NF1: variants seen among roughly 807,000 people sequenced by gnomAD.
NF1 encodes neurofibromin.
Under a neutral mutation model 325.7 loss-of-function variants are expected in NF1, and 122 were observed. The ratio of observed to expected loss-of-function variants is 0.37; its 90% CI spans 0.32 to 0.44. NF1 has a LOEUF of 0.44. NF1 is among the 20% of genes least tolerant of loss of function. NF1 has a pLI of 1.00. For missense variants in NF1, 2,140 were observed against 3,415.4 expected (o/e 0.63, Z 9.31); for synonymous variants, 1,091 against 1,186.0 (o/e 0.92, Z 1.65).
chr17:31,163,158 T>G (rs752292696), intron 3 of NF1, 28 bp from the exon 4 acceptor site: 8 of 1,610,346 alleles, frequency 5.0e-6, no homozygotes, highest in Non-Finnish European at 6.8e-6. Context: ...AATTAAAGTT[T>G]AGAATAATGT....
At chr17:31,305,709 A>T in intron 36 of NF1, 1 of 1,216,476 alleles carries the variant, frequency 8.2e-7, no homozygotes, top group African/African-American at 1.5e-5. Context: ...TTTCATTATG[A>T]TTCCTGGCAT....
rs1597835005 is a variant in NF1 at position 31,330,505 on chromosome 17, A to C, written c.5812+7A>C. 1 of 1,588,572 alleles carries C rather than the reference A, an allele frequency of 6.3e-7. No individual in the cohort carries two copies. Among genetic ancestry groups the C allele is most frequent in the Non-Finnish European group, 8.6e-7 (1 of 1,157,268 alleles). On this transcript the variant is annotated splice_region_variant and intron_variant, in intron 39 of 57. Coordinates refer to ENST00000358273, the MANE Select transcript of NF1 (RefSeq NM_001042492.3). ...TCTGGATTTAGCAAATCTAGTAAGT[A>C]ATGATAATTTTCTTTAATACTAACA...
chr17:31,125,338 GC>G (rs1914789594), intron 1 of NF1, among the ~76,000 whole-genome samples: 1 of 151,422 alleles, frequency 6.6e-6, no homozygotes, highest in East Asian at 1.9e-4. Flanking sequence ...ATATATCTGG[GC>G]TATTGATGCA....
chr17:31,181,859 T>C, intron 7 of NF1, 74 bp downstream of exon 7: 2 of 1,058,050 alleles, frequency 1.9e-6, no homozygotes, highest in South Asian at 2.7e-5. Context: ...CCTATCATCG[T>C]TTTCCAAGTT....
chr17:31,320,524 A>C, intron 36 of NF1: 1 of 1,125,378 alleles, frequency 8.9e-7, no homozygotes, highest in Non-Finnish European at 1.3e-6. Flanking sequence ...CTATTAAAAT[A>C]CAGAAATTGA....
In NF1 at chr17:31,343,137, T is replaced by TA. The variant is rs753952604; in HGVS notation, c.7189+8dup. 7 of 1,610,288 alleles carry TA rather than the reference T, an allele frequency of 4.3e-6. No homozygotes were observed. The highest frequency in any genetic ancestry group is 1.7e-4 in the Middle Eastern group (1 of 6,056). On this transcript the variant is annotated splice_region_variant and intron_variant, in intron 48 of 57. Coordinates refer to ENST00000358273, the MANE Select transcript of NF1 (RefSeq NM_001042492.3). Reference sequence around the variant, plus strand: ...CATTGGTTGGACACCTTTTAAAAGGTAAAAAAGCCTTATTTAGAATATTTT... The same window carrying TA: ...CATTGGTTGGACACCTTTTAAAAGGTAAAAAAAGCCTTATTTAGAATATTTT...
chr17:31,095,353 G>A lies in NF1; in HGVS notation c.44G>A (p.Ser15Asn), dbSNP rs1598173852. 6.5e-7 allele frequency: 1 copy of A among 1,540,000 alleles called. No individual in the cohort carries two copies. Residue 15 changes from serine to asparagine, a missense_variant, in exon 1 of 58, where the codon AGC becomes AAC. Ser to Asn is a conservative substitution (Grantham distance 46). Around this residue, in one of 10 missense-constraint regions of NF1, gnomAD observed 246 missense variants for 347.8 expected, o/e 0.71. Coordinates refer to ENST00000358273, the MANE Select transcript of NF1 (RefSeq NM_001042492.3). Reference sequence around the variant, plus strand: ...GTGGAATGGGTCCAGGCCGTGGTCAGCCGCTTCGACGAGCAGGTAACCGGC... The same window carrying A: ...GTGGAATGGGTCCAGGCCGTGGTCAACCGCTTCGACGAGCAGGTAACCGGC... ...RPVEWVQAVV[S>N]RFDEQLPIKT...
chr17:31,201,318 A>T (rs2143883204), intron 10 of NF1, 93 bp from the exon 11 acceptor site: 19 of 1,417,808 alleles, frequency 1.3e-5, no homozygotes, highest in South Asian at 7.4e-5. Context: ...TTTTTTTTTT[A>T]AACTTTCTAT....
rs2069661588 is a variant in NF1, at chr17:31,336,117, A to G, written c.6007-216A>G. The stretch of plus-strand genomic sequence containing the variant: ...TAAAATTTTTGAATACCAATCTCTT[A>G]ATCTCTGAAGGAGTCAAATGAATAT... On this transcript the variant is annotated intron_variant, in intron 40 of 57. Coordinates refer to ENST00000358273, the MANE Select transcript of NF1 (RefSeq NM_001042492.3). The surrounding 1 kb of genome is among the most constrained non-coding windows in gnomAD (Gnocchi z 5.5). 6.6e-6 allele frequency among the ~76,000 whole-genome samples: 1 copy of G among 152,166 alleles called. No individual in the cohort carries two copies. The highest frequency in any genetic ancestry group is 6.5e-5 in the Admixed American group (1 of 15,274).
intron 50 of NF1, among the ~76,000 whole-genome samples, chr17:31,351,923 G>C (rs2070156810): frequency 1.3e-5 from 2 of 151,444 alleles, no homozygotes; most frequent in South Asian, 4.2e-4. Flanking sequence ...ATGTGGCCCA[G>C]TATATTCTTC....
At chr17:31,290,339 G>A (rs1201331397) in intron 36 of NF1, among the ~76,000 whole-genome samples, 3 of 152,104 alleles carry the variant, frequency 2.0e-5, no homozygotes, top group African/African-American at 7.2e-5. Flanking sequence ...ATCACATGAA[G>A]TGAGTGTTAA....
chr17:31,340,455 G>A, intron 46 of NF1, 50 bp from the exon 47 acceptor site: 1 of 1,612,706 alleles, frequency 6.2e-7, no homozygotes, highest in Non-Finnish European at 8.5e-7. Context: ...TTTTGAAAGA[G>A]ACTATGTCAT....
At chr17:31,318,790 G>T (rs1293537649) in intron 36 of NF1, 1 of 1,614,028 alleles carries the variant, frequency 6.2e-7, no homozygotes, top group East Asian at 2.2e-5. Flanking sequence ...AGGCATGTTT[G>T]TAGAATTACC....
chr17:31,141,022 G>A (rs1205133320), intron 1 of NF1, among the ~76,000 whole-genome samples: 1 of 152,180 alleles, frequency 6.6e-6, no homozygotes, highest in East Asian at 1.9e-4. Context: ...GAGAGCTTAT[G>A]TATAACATGA....
At chr17:31,195,322 C>T (rs144217114) in intron 8 of NF1, among the ~76,000 whole-genome samples, 169 of 152,220 alleles carry the variant, frequency 1.1e-3, no homozygotes, top group African/African-American at 3.9e-3. Context: ...TCATTAATCA[C>T]CTTTTATTTG....
chr17:31,254,946 C>T (rs956716684), intron 31 of NF1, among the ~76,000 whole-genome samples: 3 of 152,070 alleles, frequency 2.0e-5, no homozygotes, highest in African/African-American at 7.2e-5. Context: ...TGTGCTTTAA[C>T]AAAACCTAAT....
At chr17:31,104,473 G>A (rs1912671097) in intron 1 of NF1, among the ~76,000 whole-genome samples, 1 of 152,148 alleles carries the variant, frequency 6.6e-6, no homozygotes, top group Non-Finnish European at 1.5e-5. Context: ...TAAAAGGCTT[G>A]GGATCAATAC....
intron 1 of NF1, among the ~76,000 whole-genome samples, chr17:31,117,566 G>C (rs1280490203): frequency 6.7e-6 from 1 of 149,190 alleles, no homozygotes; most frequent in African/African-American, 2.5e-5. Context: ...CTAGCTACTC[G>C]GGAGGCTGAG....
At chr17:31,227,439 C>CA in intron 19 of NF1, 84 bp from the exon 20 acceptor site, 1 of 1,467,972 alleles carries the variant, frequency 6.8e-7, no homozygotes, top group Non-Finnish European at 9.5e-7. Flanking sequence ...ATTTAATATA[C>CA]ATCAAGTTTG....
Sources: allele counts gnomAD v4.1 joint callset (sites outside exome capture counted in the v4.1 genomes callset), GRCh38; gene constraint gnomAD v4.1.1; regional missense constraint gnomAD v4.1.1; non-coding constraint Gnocchi (gnomAD v3.1); transcripts MANE v1.5; gene names NCBI Gene and HGNC (gene_info 2026-07-23, HGNC 2026-07-21).